Variants in SAMMSON observed in about 807,000 individuals in gnomAD.
SAMMSON encodes long intergenic non-protein coding RNA 1212.
intron 4 of SAMMSON, among the ~76,000 whole-genome samples, chr3:70,179,914 A>G (rs572316697): frequency 1.7e-4 from 26 of 152,072 alleles, no homozygotes; most frequent in African/African-American, 6.3e-4. Context: ...TGCCCAGTGG[A>G]TAGTGTCAAC....
intron 6 of SAMMSON, among the ~76,000 whole-genome samples, chr3:70,279,214 G>T (rs1702056986): frequency 6.6e-6 from 1 of 151,490 alleles, no homozygotes; most frequent in African/African-American, 2.4e-5. Context: ...TTTGCATGTA[G>T]TGTTTCACAA....
At chr3:70,246,565 A>G (rs942832595) in intron 4 of SAMMSON, among the ~76,000 whole-genome samples, 1 of 152,102 alleles carries the variant, frequency 6.6e-6, no homozygotes, top group Non-Finnish European at 1.5e-5. Flanking sequence ...TAAATAATGA[A>G]TCAGTTGTTA....
At chr3:70,132,991 C>T (rs1441681303) in intron 4 of SAMMSON, among the ~76,000 whole-genome samples, 1 of 151,982 alleles carries the variant, frequency 6.6e-6, no homozygotes, top group African/African-American at 2.4e-5. Context: ...ATGAGAGAAA[C>T]AAGTATATAG....
At chr3:70,410,597 A>G (rs1258120883) in intron 2 of SAMMSON, among the ~76,000 whole-genome samples, 1 of 152,156 alleles carries the variant, frequency 6.6e-6, no homozygotes, top group Non-Finnish European at 1.5e-5. Flanking sequence ...TTACTGCAAG[A>G]TTTTTTTAAA....
At chr3:70,292,272 C>A (rs1702245807) in intron 7 of SAMMSON, among the ~76,000 whole-genome samples, 1 of 152,028 alleles carries the variant, frequency 6.6e-6, no homozygotes, top group African/African-American at 2.4e-5. Flanking sequence ...TCATTGATAA[C>A]AATTATATTT....
intron 9 of SAMMSON, among the ~76,000 whole-genome samples, chr3:70,386,365 A>G (rs1372597175): frequency 3.9e-5 from 6 of 152,118 alleles, no homozygotes. Flanking sequence ...AGATGACTAG[A>G]GACAGAAAAT....
chr3:70,332,027 A>G (rs1268645353), intron 7 of SAMMSON, among the ~76,000 whole-genome samples: 1 of 152,244 alleles, frequency 6.6e-6, no homozygotes, highest in African/African-American at 2.4e-5. Context: ...TGAATGATCT[A>G]AAAATGGAAA....
chr3:70,342,146 G>C (rs556575641), intron 7 of SAMMSON, among the ~76,000 whole-genome samples: 1 of 152,272 alleles, frequency 6.6e-6, no homozygotes, highest in African/African-American at 2.4e-5. Flanking sequence ...TACCATTTCT[G>C]GTTGTAAAAC....
chr3:70,134,035 A>T (rs936116243), intron 4 of SAMMSON, among the ~76,000 whole-genome samples: 1 of 147,158 alleles, frequency 6.8e-6, no homozygotes, highest in African/African-American at 2.5e-5. Flanking sequence ...CGAGGCCAGG[A>T]GTTCGAGACC....
At chr3:70,353,415 G>A (rs1420750270) in intron 7 of SAMMSON, among the ~76,000 whole-genome samples, 2 of 151,934 alleles carry the variant, frequency 1.3e-5, no homozygotes, top group Non-Finnish European at 2.9e-5. Context: ...ATGGGTAAAA[G>A]AAATAAAGAA....
At chr3:70,261,517 C>T (rs909822461) in intron 6 of SAMMSON, among the ~76,000 whole-genome samples, 3 of 152,134 alleles carry the variant, frequency 2.0e-5, no homozygotes, top group Non-Finnish European at 4.4e-5. Flanking sequence ...AATTACATTT[C>T]AATTTCCGTG....
At chr3:70,246,892 G>T (rs1348462943) in intron 4 of SAMMSON, among the ~76,000 whole-genome samples, 4 of 151,860 alleles carry the variant, frequency 2.6e-5, no homozygotes, top group African/African-American at 4.8e-5. Flanking sequence ...TCACAAAATA[G>T]AAATAATATT....
intron 4 of SAMMSON, chr3:70,094,989 A>T (rs1407222241): frequency 6.6e-6 from 1 of 152,280 alleles, no homozygotes; most frequent in Non-Finnish European, 1.5e-5. Flanking sequence ...TCACAGGTAG[A>T]TTCAAAGATT....
chr3:70,156,494 A>G lies in SAMMSON; in HGVS notation n.507+84929A>G, dbSNP rs148681998. The stretch of plus-strand genomic sequence containing the variant: ...CCATGAAGTTTTATCAAAATTTTCA[A>G]TAACTCATAATTGATAGAGACAAGA... On this transcript the variant is annotated intron_variant and non_coding_transcript_variant, in intron 4 of 9. Transcript: ENST00000642114. Among the ~76,000 whole-genome samples the G allele has an allele frequency of 3.5e-3, 532 of 152,218 alleles. 6 individuals are homozygous for G. Among genetic ancestry groups the G allele is most frequent in the Non-Finnish European group, 5.3e-3 (362 of 67,984 alleles).
At chr3:70,209,929 T>G (rs796886739) in intron 4 of SAMMSON, among the ~76,000 whole-genome samples, 29 of 152,126 alleles carry the variant, frequency 1.9e-4, no homozygotes, top group African/African-American at 7.0e-4. Flanking sequence ...TCCCATACAT[T>G]AGAGAGTAGC....
chr3:70,250,862 C>T (rs1258746159), intron 6 of SAMMSON, among the ~76,000 whole-genome samples: 1 of 152,020 alleles, frequency 6.6e-6, no homozygotes, highest in African/African-American at 2.4e-5. Flanking sequence ...GGCAGACTGT[C>T]AAATAGTAAG....
chr3:70,157,570 T>C (rs544907681), intron 4 of SAMMSON, among the ~76,000 whole-genome samples: 1 of 152,096 alleles, frequency 6.6e-6, no homozygotes, highest in African/African-American at 2.4e-5. Flanking sequence ...GTAGAGACCT[T>C]TAGGTGAAGA....
At position 70,383,107 on chromosome 3, in the gene SAMMSON, G is replaced by A. The variant is rs558670336; in HGVS notation, n.914-6467G>A. 3.9e-5 allele frequency among the ~76,000 whole-genome samples: 6 copies of A among 152,082 alleles called. No homozygotes were observed. In the South Asian group the frequency reaches 1.2e-3, roughly 32 times the overall value. ...CTCCTTCCACTAGGAGATTGGACAT[G>A]GGGAATCCCAAAGTATAAATCTCTT... On this transcript the variant is annotated intron_variant and non_coding_transcript_variant, in intron 9 of 9. Transcript: ENST00000642114.
intron 4 of SAMMSON, chr3:70,137,623 C>T (rs2067511288): frequency 2.0e-5 from 3 of 152,154 alleles, no homozygotes; most frequent in Admixed American, 2.0e-4. Context: ...CCAGTCTACA[C>T]TTACACTGTC....
Sources: gnomAD v4.1 joint callset for allele counts (sites outside exome capture counted in the v4.1 genomes callset) on GRCh38, gnomAD v4.1.1 for gene constraint, MANE v1.5 for transcripts, NCBI Gene and HGNC (gene_info 2026-07-23, HGNC 2026-07-21) for gene names.